DGKB: variants seen among roughly 807,000 people sequenced by gnomAD.
DGKB encodes 90 kDa diacylglycerol kinase.
DGKB carries 67 observed loss-of-function variants against 114.3 expected under a neutral mutation model. The observed-to-expected ratio is 0.59, with a 90% CI of 0.48 to 0.72. DGKB has a LOEUF of 0.72. Ranked by LOEUF, DGKB falls within the 30% of genes least tolerant of loss-of-function variation. The pLI is 0.00. For synonymous variants in DGKB, 398 were observed against 323.1 expected, an observed-to-expected ratio of 1.23 and a Z score of -2.49; for missense variants, 907 against 975.2, an observed-to-expected ratio of 0.93 and a Z score of 0.93.
At chr7:14,626,113 T>A (rs1202791123) in intron 14 of DGKB, among the ~76,000 whole-genome samples, 5 of 152,192 alleles carry the variant, frequency 3.3e-5, no homozygotes, top group Non-Finnish European at 7.3e-5. Flanking sequence ...AATCTTTGTC[T>A]ACATCATGCT....
At chr7:14,714,639 G>A (rs1275315886) in intron 6 of DGKB, among the ~76,000 whole-genome samples, 1 of 152,058 alleles carries the variant, frequency 6.6e-6, no homozygotes, top group Admixed American at 6.6e-5. Context: ...AACATTATCT[G>A]GATTAATTTT....
chr7:14,731,494 T>C (rs28527468), intron 5 of DGKB, among the ~76,000 whole-genome samples: 11,355 of 152,184 alleles, frequency 0.075, 1,312 homozygotes, highest in African/African-American at 0.25. Flanking sequence ...CAATAATAAA[T>C]AATTTTTACA....
intron 8 of DGKB, among the ~76,000 whole-genome samples, chr7:14,695,911 C>T (rs1823791764): frequency 6.6e-6 from 1 of 152,106 alleles, no homozygotes; most frequent in Non-Finnish European, 1.5e-5. Flanking sequence ...CAAGGCAGTT[C>T]CCATGACAGC....
chr7:14,534,933 G>A (rs111483857), intron 20 of DGKB, among the ~76,000 whole-genome samples: 20 of 152,138 alleles, frequency 1.3e-4, no homozygotes, highest in African/African-American at 2.4e-4. Context: ...ATAAACTCTC[G>A]AAAAGTCACT....
At chr7:14,527,885 C>T (rs1456140059) in intron 20 of DGKB, among the ~76,000 whole-genome samples, 2 of 151,892 alleles carry the variant, frequency 1.3e-5, no homozygotes, top group Non-Finnish European at 2.9e-5. Flanking sequence ...AAAGAAAACG[C>T]GCTAACTATG....
chr7:14,400,764 TA>T (rs11291448), intron 21 of DGKB, among the ~76,000 whole-genome samples: 122,300 of 151,240 alleles, frequency 0.81, 50,455 homozygotes, highest in Non-Finnish European at 0.91. Context: ...TGAAATTTAT[TA>T]ATCCTGAAAT....
intron 17 of DGKB, among the ~76,000 whole-genome samples, chr7:14,586,417 G>A (rs1412916193): frequency 6.6e-6 from 1 of 152,046 alleles, no homozygotes; most frequent in Non-Finnish European, 1.5e-5. Context: ...AGCAGATGTT[G>A]GTTCTTGAAG....
intron 1 of DGKB, among the ~76,000 whole-genome samples, chr7:14,963,156 T>C (rs554187637): frequency 1.1e-4 from 16 of 152,216 alleles, no homozygotes; most frequent in African/African-American, 3.9e-4. Flanking sequence ...TAAAAATACA[T>C]GAGCAGAAAC....
chr7:14,931,640 G>A (rs990658588), intron 1 of DGKB, among the ~76,000 whole-genome samples: 4 of 152,120 alleles, frequency 2.6e-5, no homozygotes, highest in Non-Finnish European at 5.9e-5. Context: ...TGGCTGGAGG[G>A]AGTGGAACTT....
At chr7:14,656,592 T>C (rs1815843302) in intron 13 of DGKB, among the ~76,000 whole-genome samples, 1 of 151,582 alleles carries the variant, frequency 6.6e-6, no homozygotes, top group Non-Finnish European at 1.5e-5. Flanking sequence ...TCTTCTTAGC[T>C]GAACTTCCAA....
At chr7:14,390,676 A>G (rs1821171443) in intron 21 of DGKB, among the ~76,000 whole-genome samples, 2 of 152,180 alleles carry the variant, frequency 1.3e-5, no homozygotes, top group African/African-American at 2.4e-5. Context: ...CATTTCTTTA[A>G]CAAAACAAAA....
At position 14,355,714 on chromosome 7, in the gene DGKB, T is replaced by C. The variant is rs549962839; in HGVS notation, c.1836-10323A>G. ...TTGAGGACTTTTGCATCGATCTTCA[T>C]CAGGGATATTGGTCTAAAATTCTTT... On this transcript the variant is annotated intron_variant, in intron 21 of 25. Transcript: ENST00000402815. 9.8e-5 allele frequency among the ~76,000 whole-genome samples: 15 copies of C among 152,316 alleles called. 1 individual carries two copies. The South Asian group carries it at 2.9e-3, about 29-fold the overall frequency.
At chr7:14,309,757 T>C (rs1469006113) in intron 23 of DGKB, among the ~76,000 whole-genome samples, 2 of 152,172 alleles carry the variant, frequency 1.3e-5, no homozygotes, top group Non-Finnish European at 2.9e-5. Flanking sequence ...ACCAGACAAA[T>C]ACTGAATGTC....
At chr7:14,177,094 A>G (rs921764741) in intron 24 of DGKB, among the ~76,000 whole-genome samples, 195 bp from the exon 25 acceptor site, 2 of 152,214 alleles carry the variant, frequency 1.3e-5, no homozygotes, top group Non-Finnish European at 2.9e-5. Flanking sequence ...CAGGAATATT[A>G]TGAGCTTCCT....
chr7:14,656,819 C>T (rs1049161046), intron 13 of DGKB, among the ~76,000 whole-genome samples: 4 of 150,906 alleles, frequency 2.7e-5, no homozygotes, highest in African/African-American at 9.7e-5. Context: ...TTTAAAAAAT[C>T]CCTTTAAGTA....
Position 14,356,166 on chromosome 7 carries a change from C to A in DGKB, c.1836-10775G>T, listed in dbSNP as rs183564289. On this transcript the variant is annotated intron_variant, in intron 21 of 25. Coordinates refer to ENST00000402815, the MANE Select transcript of DGKB (RefSeq NM_001350709.2). ...TATTGCATCTATTTGATTCTTTCCTCTTTTCTTCTTTATTAGTCTTTCTAG... is the reference window on the plus strand; with the variant it reads ...TATTGCATCTATTTGATTCTTTCCTATTTTCTTCTTTATTAGTCTTTCTAG... Among the ~76,000 whole-genome samples the A allele has an allele frequency of 7.2e-5, 11 of 152,042 alleles. No individual in the cohort carries two copies. The East Asian group carries it at 1.9e-3, about 27-fold the overall frequency.
At chr7:14,781,833 A>G (rs1255673321) in intron 2 of DGKB, among the ~76,000 whole-genome samples, 1 of 152,148 alleles carries the variant, frequency 6.6e-6, no homozygotes, top group East Asian at 1.9e-4. Flanking sequence ...ATCCTTTTGA[A>G]TAATGCAGTT....
At chr7:14,500,476 T>A (rs1276986690) in intron 20 of DGKB, among the ~76,000 whole-genome samples, 1 of 100,472 alleles carries the variant, frequency 1.0e-5, no homozygotes, top group Admixed American at 9.0e-5. Flanking sequence ...GTTTCTTTAT[T>A]TTTTTTTTTG....
chr7:14,926,702 T>C (rs1264411451), intron 1 of DGKB, among the ~76,000 whole-genome samples: 1 of 151,852 alleles, frequency 6.6e-6, no homozygotes, highest in Non-Finnish European at 1.5e-5. Context: ...TTAACATAAG[T>C]ATTTTATATT....
Sources: gnomAD v4.1 joint callset for allele counts (sites outside exome capture counted in the v4.1 genomes callset) on GRCh38, gnomAD v4.1.1 for gene constraint, MANE v1.5 for transcripts, NCBI Gene and HGNC (gene_info 2026-07-23, HGNC 2026-07-21) for gene names.